Variants in SNTB2 observed in about 807,000 individuals in gnomAD.
The protein encoded by SNTB2 is beta-2-syntrophin.
A neutral mutation model predicts 46.2 loss-of-function variants in SNTB2; 34 were observed. The ratio of observed to expected loss-of-function variants is 0.74; its 90% CI spans 0.56 to 0.98. SNTB2 has a LOEUF of 0.98. SNTB2 is among the 50% of genes least tolerant of loss of function. The pLI is 0.00. For missense variants in SNTB2, 603 were observed against 731.4 expected (o/e 0.82, Z 2.02); for synonymous variants, 290 against 312.6 (o/e 0.93, Z 0.76).
chr16:69,283,885 C>T (rs1456180584), intron 4 of SNTB2, among the ~76,000 whole-genome samples, 163 bp from the exon 5 acceptor site: 1 of 152,132 alleles, frequency 6.6e-6, no homozygotes. Flanking sequence ...TATGGGAAAA[C>T]AGAATGGTCT....
intron 1 of SNTB2, among the ~76,000 whole-genome samples, chr16:69,238,003 G>A (rs186640713): frequency 8.5e-5 from 13 of 152,110 alleles, no homozygotes; most frequent in Non-Finnish European, 1.9e-4. Context: ...TTTCTCTTCC[G>A]TACTCACTTC....
At chr16:69,215,426 G>T (rs916248407) in intron 1 of SNTB2, among the ~76,000 whole-genome samples, 2 of 152,124 alleles carry the variant, frequency 1.3e-5, no homozygotes, top group African/African-American at 4.8e-5. Context: ...TCCTATTAAA[G>T]AAGCCATTAT....
intron 1 of SNTB2, among the ~76,000 whole-genome samples, chr16:69,203,903 T>C (rs764850376): frequency 6.6e-6 from 1 of 151,222 alleles, no homozygotes; most frequent in South Asian, 2.1e-4. Context: ...ATTATTATTA[T>C]TATTTCTGAG....
chr16:69,224,210 A>ATT (rs34419738), intron 1 of SNTB2, among the ~76,000 whole-genome samples: 7,523 of 127,728 alleles, frequency 0.059, 454 homozygotes, highest in Non-Finnish European at 0.077. Flanking sequence ...TTCCTTTGCA[A>ATT]TTTTTTTTTT....
chr16:69,208,108 CAAAA>C (rs887460974), intron 1 of SNTB2, among the ~76,000 whole-genome samples: 2 of 64,430 alleles, frequency 3.1e-5, no homozygotes, highest in South Asian at 4.9e-4. Context: ...GACTTCATCT[CAAAA>C]AAAAAAAAAA....
intron 3 of SNTB2, 131 bp from the exon 4 acceptor site, chr16:69,270,012 T>G (rs1017163699): frequency 1.0e-6 from 1 of 986,330 alleles, no homozygotes; most frequent in Non-Finnish European, 1.6e-6. Flanking sequence ...GGTGAGATGT[T>G]TCCTGAATGT....
At position 69,187,207 on chromosome 16, in the gene SNTB2, CG is replaced by C. The variant is rs1963996583; in HGVS notation, c.43del (p.Ala15ProfsTer18). ...AAATAAAGAGPAMAVWTRATK... is the reference protein window; with the variant it reads ...AAATAAAGAGXAMAVWTRATK... ...GCGACTGCGGCGGCTGGAGCGGGGC[CG>C]GCCATGGCGGTGTGGACGCGGGCCA... On this transcript the variant is annotated frameshift_variant, in exon 1 of 7. Transcript: ENST00000336278. LOFTEE classifies it high-confidence loss of function. 7.1e-7 allele frequency: 1 copy of C among 1,407,322 alleles called. No individual in the cohort carries two copies. The highest frequency in any genetic ancestry group is 9.3e-7 in the Non-Finnish European group (1 of 1,079,538). 87.2% of individuals were successfully genotyped at this position (1,407,322 alleles called of 1,614,324 possible). A position where few individuals can be genotyped will look rare whatever the true frequency, so the allele number is the denominator to read the frequency against.
At chr16:69,254,138 C>T (rs552573252) in intron 2 of SNTB2, among the ~76,000 whole-genome samples, 2 of 152,090 alleles carry the variant, frequency 1.3e-5, no homozygotes, top group Non-Finnish European at 2.9e-5. Context: ...GAAATAAGGA[C>T]ATCATTGCCT....
intron 1 of SNTB2, among the ~76,000 whole-genome samples, chr16:69,231,420 C>G (rs764018772): frequency 4.6e-5 from 7 of 151,956 alleles, no homozygotes; most frequent in African/African-American, 1.7e-4. Flanking sequence ...GAAACCCCGT[C>G]TCAACTAAAA....
chr16:69,215,005 G>A (rs1964332668), intron 1 of SNTB2, among the ~76,000 whole-genome samples: 1 of 151,560 alleles, frequency 6.6e-6, no homozygotes, highest in Admixed American at 6.6e-5. Context: ...CACCATGCCT[G>A]ACTAATTCTG....
intron 5 of SNTB2, among the ~76,000 whole-genome samples, chr16:69,296,002 G>A (rs559833265): frequency 6.6e-6 from 1 of 152,294 alleles, no homozygotes; most frequent in African/African-American, 2.4e-5. Flanking sequence ...AACTATGGCC[G>A]GGTGTAGTGG....
chr16:69,290,805 C>T (rs1308864275), intron 5 of SNTB2, among the ~76,000 whole-genome samples: 1 of 152,148 alleles, frequency 6.6e-6, no homozygotes, highest in Non-Finnish European at 1.5e-5. Flanking sequence ...CCTGCATTTT[C>T]AAGATATGGG....
chr16:69,297,639 C>T (rs974009341), intron 5 of SNTB2, among the ~76,000 whole-genome samples: 4 of 150,490 alleles, frequency 2.7e-5, no homozygotes, highest in Non-Finnish European at 4.4e-5. Flanking sequence ...AAGCCATGTG[C>T]AATGGCTCAC....
At chr16:69,281,487 T>G (rs1350463981) in intron 4 of SNTB2, among the ~76,000 whole-genome samples, 1 of 126,466 alleles carries the variant, frequency 7.9e-6, no homozygotes, top group Non-Finnish European at 1.7e-5. Context: ...AAGGTCTGGT[T>G]TTTTTTTTTT....
intron 1 of SNTB2, among the ~76,000 whole-genome samples, chr16:69,189,891 G>A (rs567349000): frequency 7.2e-5 from 11 of 152,264 alleles, no homozygotes; most frequent in Admixed American, 3.9e-4. Flanking sequence ...AAAGATGGCC[G>A]CATAATAACA....
At chr16:69,292,346 C>A in intron 5 of SNTB2, among the ~76,000 whole-genome samples, 1 of 82,344 alleles carries the variant, frequency 1.2e-5, no homozygotes, top group African/African-American at 6.0e-5. Flanking sequence ...CATTGTTCAC[C>A]TTATTTTTTA....
At chr16:69,187,773 G>GGGGGC in intron 1 of SNTB2, 27 bp downstream of exon 1, 11 of 331,852 alleles carry the variant, frequency 3.3e-5, no homozygotes, top group East Asian at 9.7e-5. Flanking sequence ...GGGAGGGTGG[G>GGGGGC]CAGGCCGCGG....
intron 3 of SNTB2, among the ~76,000 whole-genome samples, chr16:69,266,734 T>C (rs1173097762): frequency 6.6e-6 from 1 of 152,226 alleles, no homozygotes; most frequent in African/African-American, 2.4e-5. Flanking sequence ...ATTTTATTTA[T>C]GAAACAGGGT....
At chr16:69,275,060 T>A (rs750433571) in intron 4 of SNTB2, among the ~76,000 whole-genome samples, 66 of 148,300 alleles carry the variant, frequency 4.5e-4, no homozygotes, top group Non-Finnish European at 7.0e-4. Flanking sequence ...TTCCTCTCTC[T>A]CTCCTTCCTT....
Sources: allele counts gnomAD v4.1 joint callset (sites outside exome capture counted in the v4.1 genomes callset), GRCh38; gene constraint gnomAD v4.1.1; transcripts MANE v1.5; gene names NCBI Gene and HGNC (gene_info 2026-07-23, HGNC 2026-07-21).